Variants in ABCA13 observed in about 807,000 individuals in gnomAD.
The protein encoded by ABCA13 is ATP-binding cassette sub-family A member 13.
Under a neutral mutation model 478.7 loss-of-function variants are expected in ABCA13, and 476 were observed. That is an observed-to-expected ratio of 0.99 (90% confidence interval 0.92 to 1.07). The LOEUF (loss-of-function observed/expected upper bound fraction) is 1.07, where lower values mean the gene tolerates loss of function less well. ABCA13 is among the 50% of genes least tolerant of loss of function. The pLI is 0.00. For synonymous variants in ABCA13, 2,252 were observed against 2,158.9 expected, an observed-to-expected ratio of 1.04 and a Z score of -1.20; for missense variants, 6,060 against 5,910.6, an observed-to-expected ratio of 1.03 and a Z score of -0.83.
Position 48,281,336 on chromosome 7 carries a change from T to G in ABCA13, c.8727-7T>G, listed in dbSNP as rs1797005735. The G allele has an allele frequency of 6.3e-7, 1 of 1,587,960 alleles. No homozygotes were observed. The highest frequency in any genetic ancestry group is 2.3e-5 in the East Asian group (1 of 44,024). On this transcript the variant is annotated splice_region_variant and splice_polypyrimidine_tract_variant and intron_variant, in intron 18 of 61. Transcript: ENST00000435803. The stretch of plus-strand genomic sequence containing the variant: ...TTTTATGTCATTGTATATATTTTTT[T>G]GCTAAGTGTTGTTGAGATTTGTGAA...
chr7:48,390,042 C>A (rs1815799454), intron 37 of ABCA13, among the ~76,000 whole-genome samples: 1 of 152,052 alleles, frequency 6.6e-6, no homozygotes, highest in Admixed American at 6.6e-5. Context: ...TCCTTGGATA[C>A]AGAAATGGAC....
Position 48,336,522 on chromosome 7 carries a change from AG to A in ABCA13, c.10113+988del, listed in dbSNP as rs2128946874. On this transcript the variant is annotated intron_variant, in intron 28 of 61. Transcript: ENST00000435803. ...TGGGCCCTGCAATTTAATGGAAATC[AG>A]ATAAGGCCGAGAGGGAGTCACAGAG... 2.0e-5 allele frequency among the ~76,000 whole-genome samples: 3 copies of A among 152,254 alleles called. 1 individual carries two copies. The East Asian group carries it at 5.8e-4, about 29-fold the overall frequency.
At chr7:48,341,024 G>A (rs1219993280) in intron 29 of ABCA13, among the ~76,000 whole-genome samples, 3 of 152,040 alleles carry the variant, frequency 2.0e-5, no homozygotes, top group Non-Finnish European at 4.4e-5. Flanking sequence ...ATTTAGTTTT[G>A]TACTACATCA....
intron 45 of ABCA13, among the ~76,000 whole-genome samples, chr7:48,474,785 C>G (rs947943452): frequency 6.6e-6 from 1 of 152,090 alleles, no homozygotes; most frequent in Non-Finnish European, 1.5e-5. Context: ...TATTCTCTAG[C>G]CTTGATTTGA....
intron 42 of ABCA13, among the ~76,000 whole-genome samples, chr7:48,431,218 A>C (rs1822095438): frequency 6.6e-6 from 1 of 152,114 alleles, no homozygotes; most frequent in Non-Finnish European, 1.5e-5. Flanking sequence ...TTTTTAATAG[A>C]GATGGGATTT....
chr7:48,283,114 G>T (rs1317340394), intron 19 of ABCA13, among the ~76,000 whole-genome samples: 2 of 152,090 alleles, frequency 1.3e-5, no homozygotes, highest in Admixed American at 6.6e-5. Context: ...GGAGGATGTT[G>T]TAGAGAGGAG....
intron 19 of ABCA13, among the ~76,000 whole-genome samples, chr7:48,286,573 C>T (rs1450122988): frequency 2.0e-5 from 3 of 151,992 alleles, no homozygotes; most frequent in East Asian, 3.9e-4. Context: ...GGTGCGACCT[C>T]AGCTCATTGC....
chr7:48,234,575 C>T (rs184168364), intron 8 of ABCA13, among the ~76,000 whole-genome samples: 7 of 152,260 alleles, frequency 4.6e-5, no homozygotes, highest in Admixed American at 3.3e-4. Flanking sequence ...AGGAGCTGTA[C>T]GTTATGGATG....
chr7:48,307,884 A>T (rs947643004), intron 23 of ABCA13, among the ~76,000 whole-genome samples: 1 of 152,082 alleles, frequency 6.6e-6, no homozygotes, highest in Non-Finnish European at 1.5e-5. Flanking sequence ...GGGTTTCACC[A>T]TGTTGACCAG....
chr7:48,553,673 T>C (rs756931154), intron 55 of ABCA13, among the ~76,000 whole-genome samples: 60 of 152,234 alleles, frequency 3.9e-4, no homozygotes, highest in Non-Finnish European at 7.4e-4. Context: ...ATTTTTCCTG[T>C]ATATCTGTTT....
chr7:48,175,749 T>C (rs2128854688), intron 1 of ABCA13, among the ~76,000 whole-genome samples: 1 of 152,318 alleles, frequency 6.6e-6, no homozygotes, highest in Admixed American at 6.5e-5. Flanking sequence ...TATTATATAG[T>C]CATCCTATAG....
chr7:48,507,496 G>C (rs1426679608), intron 49 of ABCA13, among the ~76,000 whole-genome samples: 2 of 152,158 alleles, frequency 1.3e-5, no homozygotes, highest in Non-Finnish European at 2.9e-5. Context: ...TCTCTGGCAG[G>C]TGCTACTGTA....
intron 21 of ABCA13, among the ~76,000 whole-genome samples, chr7:48,296,664 G>A (rs80097925): frequency 0.078 from 11,812 of 151,886 alleles, 572 homozygotes; most frequent in East Asian, 0.22. Context: ...GGGTTTCACC[G>A]TGTTAGCCAG....
chr7:48,311,203 G>A (rs1310277914), intron 24 of ABCA13, among the ~76,000 whole-genome samples: 1 of 152,082 alleles, frequency 6.6e-6, no homozygotes, highest in African/African-American at 2.4e-5. Flanking sequence ...AGCCACGCAT[G>A]ATTTCCTTAG....
chr7:48,383,379 ATG>A (rs1214015567), intron 35 of ABCA13, among the ~76,000 whole-genome samples: 3 of 152,178 alleles, frequency 2.0e-5, no homozygotes, highest in Admixed American at 2.0e-4. Context: ...GGGTATACGT[ATG>A]TGTGTGCACA....
chr7:48,297,324 T>C lies in ABCA13; in HGVS notation c.9199+13T>C, dbSNP rs1449035390. 3.8e-6 allele frequency: 6 copies of C among 1,593,404 alleles called. No homozygotes were observed. In the South Asian group the frequency reaches 6.9e-5, roughly 18 times the overall value. On this transcript the variant is annotated intron_variant, in intron 22 of 61. Coordinates refer to ENST00000435803, the MANE Select transcript of ABCA13 (RefSeq NM_152701.5). ...ACAGTAACTGAGGGTAAGTATGTGG[T>C]TTTCCAAGTTTGCTTGATTAAAAAT...
chr7:48,546,094 TAAAAG>T (rs1784786254), intron 55 of ABCA13, among the ~76,000 whole-genome samples: 1 of 151,736 alleles, frequency 6.6e-6, no homozygotes, highest in African/African-American at 2.4e-5. Flanking sequence ...AACAAACTCT[TAAAAG>T]AAACAAGGTG....
At chr7:48,541,078 A>G (rs1833915257) in intron 55 of ABCA13, among the ~76,000 whole-genome samples, 1 of 152,112 alleles carries the variant, frequency 6.6e-6, no homozygotes, top group East Asian at 1.9e-4. Flanking sequence ...TAATTATTTG[A>G]CTTAAAACTA....
chr7:48,249,934 C>G (rs997141718), intron 15 of ABCA13, among the ~76,000 whole-genome samples: 3 of 152,164 alleles, frequency 2.0e-5, no homozygotes, highest in Non-Finnish European at 4.4e-5. Context: ...TCAGATCCTG[C>G]AGGTTAAGGG....
Sources: allele counts gnomAD v4.1 joint callset (sites outside exome capture counted in the v4.1 genomes callset), GRCh38; gene constraint gnomAD v4.1.1; transcripts MANE v1.5; gene names NCBI Gene and HGNC (gene_info 2026-07-23, HGNC 2026-07-21).